Variants in PGAM5 observed in about 807,000 individuals in gnomAD.
The protein encoded by PGAM5 is PGAM family member 5, mitochondrial serine/threonine protein phosphatase.
Under a neutral mutation model 30.6 loss-of-function variants are expected in PGAM5, and 25 were observed. The ratio of observed to expected loss-of-function variants is 0.82; its 90% CI spans 0.60 to 1.14. The LOEUF (loss-of-function observed/expected upper bound fraction) is 1.14. Among genes scored for constraint, PGAM5 ranks in the 50% most tolerant of loss-of-function variants. The pLI, the probability that PGAM5 is intolerant of heterozygous loss-of-function variation, is 0.00. For synonymous variants in PGAM5, 201 were observed against 179.1 expected (o/e 1.12, Z -0.98); for missense variants, 384 against 408.5 (o/e 0.94, Z 0.52).
At chr12:132,719,272 T>C in intron 5 of PGAM5, 1 of 1,063,392 alleles carries the variant, frequency 9.4e-7, no homozygotes, top group South Asian at 2.8e-5. Context: ...AGGACGGCAC[T>C]GGTCAGTGAT....
chr12:132,715,042 T>A lies in PGAM5; in HGVS notation c.370+6T>A. 2 of 1,604,848 alleles carry A rather than the reference T, an allele frequency of 1.2e-6. No homozygotes were observed. Among genetic ancestry groups the A allele is most frequent in the Non-Finnish European group, 1.7e-6 (2 of 1,176,018 alleles). ...CCGCACTCTGACCCCGCTGGGTATG[T>A]GGTGGGTTCAGATCCTCTGTGGACC... On this transcript the variant is annotated splice_donor_region_variant and intron_variant, in intron 2 of 5. Transcript: ENST00000498926.
chr12:132,717,331 A>T, intron 2 of PGAM5, 108 bp from the exon 3 acceptor site: 1 of 1,080,738 alleles, frequency 9.3e-7, no homozygotes, highest in Non-Finnish European at 1.2e-6. Flanking sequence ...CGGGCGGAGG[A>T]GGGGGTGTTT....
intron 1 of PGAM5, 63 bp from the exon 2 acceptor site, chr12:132,714,793 CTT>C (rs1015164772): frequency 1.3e-6 from 2 of 1,548,780 alleles, no homozygotes; most frequent in African/African-American, 2.7e-5. Flanking sequence ...GAAATAACAT[CTT>C]GTCAGAAAAA....
Position 132,720,969 on chromosome 12 carries a change from G to A in PGAM5, c.*141G>A, listed in dbSNP as rs568383725. On this transcript the variant is annotated 3_prime_UTR_variant, in exon 6 of 6. Transcript: ENST00000498926. ...ACTTGTGACCAGGCTGAGAAGGGGA[G>A]AGTTGGGATCAGACAGCCTGACTTC... 2.8e-4 allele frequency: 305 copies of A among 1,093,040 alleles called. 2 individuals are homozygous for A. Among genetic ancestry groups the A allele is most frequent in the Non-Finnish European group, 3.7e-4 (290 of 786,914 alleles). 67.7% of individuals were successfully genotyped at this position (1,093,040 alleles called of 1,614,324 possible). A position where few individuals can be genotyped will look rare whatever the true frequency, so the allele number is the denominator to read the frequency against.
chr12:132,720,529 G>A (rs1409873025), intron 5 of PGAM5, 149 bp from the exon 6 acceptor site: 24 of 717,534 alleles, frequency 3.3e-5, no homozygotes, highest in Admixed American at 1.2e-4. Context: ...GGATGGTCTC[G>A]ATCTCCTGAC....
intron 1 of PGAM5, chr12:132,711,761 G>C (rs2043525369): frequency 6.6e-6 from 1 of 151,310 alleles, no homozygotes; most frequent in South Asian, 2.1e-4. Flanking sequence ...CTTCACTCCA[G>C]CCTGAGCAAC....
Position 132,718,916 on chromosome 12 carries a change from G to A in PGAM5, c.719+796G>A, listed in dbSNP as rs1460856172. On this transcript the variant is annotated intron_variant, in intron 5 of 5. Coordinates refer to ENST00000498926, the MANE Select transcript of PGAM5 (RefSeq NM_001170543.2). ...GAGGCCACAGCTGAGTCACGTTGCTGCTCGGGCTGCTCCCTCGGGGGGCCC... is the reference window on the plus strand; with the variant it reads ...GAGGCCACAGCTGAGTCACGTTGCTACTCGGGCTGCTCCCTCGGGGGGCCC... 10 of 1,575,898 alleles carry A rather than the reference G, an allele frequency of 6.3e-6. No individual in the cohort carries two copies. The Admixed American group carries it at 7.0e-5, about 11-fold the overall frequency.
chr12:132,719,611 C>T (rs1195804416), intron 5 of PGAM5, among the ~76,000 whole-genome samples: 1 of 152,218 alleles, frequency 6.6e-6, no homozygotes, highest in African/African-American at 2.4e-5. Context: ...CGAGGTGACA[C>T]AAATGCTAAA....
At chr12:132,713,201 G>A (rs866625571) in intron 1 of PGAM5, among the ~76,000 whole-genome samples, 4 of 152,152 alleles carry the variant, frequency 2.6e-5, no homozygotes, top group Admixed American at 6.6e-5. Flanking sequence ...CGGGAGCTGA[G>A]CCCAGCCTTT....
chr12:132,720,613 G>C, intron 5 of PGAM5, 65 bp from the exon 6 acceptor site: 2 of 1,485,630 alleles, frequency 1.3e-6, no homozygotes, highest in Non-Finnish European at 1.8e-6. Context: ...GCCTAGCTCA[G>C]CCCGTTTTAA....
intron 5 of PGAM5, among the ~76,000 whole-genome samples, chr12:132,719,957 C>T (rs978326142): frequency 2.0e-5 from 3 of 152,272 alleles, no homozygotes; most frequent in Admixed American, 1.3e-4. Flanking sequence ...TGGCTGCTCC[C>T]TGCTTTTATA....
At chr12:132,720,269 C>A (rs12366462) in intron 5 of PGAM5, among the ~76,000 whole-genome samples, 631 of 149,808 alleles carry the variant, frequency 4.2e-3, no homozygotes, top group Non-Finnish European at 6.4e-3. Flanking sequence ...ACAGCCTGGC[C>A]CAGCCTCTTT....
Position 132,720,800 on chromosome 12 carries a change from T to C in PGAM5, c.842T>C (p.Met281Thr). 1 of 1,536,438 alleles carries C rather than the reference T, an allele frequency of 6.5e-7. No individual in the cohort carries two copies. ...ALRTLGDTGFMPPDKITRS is the reference protein window; with the variant it reads ...ALRTLGDTGFTPPDKITRS Reference sequence around the variant, plus strand: ...AGGACCCTCGGGGACACGGGGTTCATGCCTCCCGACAAGATCACTCGATCC... The same window carrying C: ...AGGACCCTCGGGGACACGGGGTTCACGCCTCCCGACAAGATCACTCGATCC... The change falls in exon 6 of 6, where the codon ATG becomes ACG. Residue 281 changes from methionine (M) to threonine (T), a missense_variant. Transcript: ENST00000498926.
Position 132,717,750 on chromosome 12 carries a change from C to T in PGAM5, c.537C>T (p.Ala179=), listed in dbSNP as rs2043596361. 20 of 1,585,572 alleles carry T rather than the reference C, an allele frequency of 1.3e-5. No individual in the cohort carries two copies. Among genetic ancestry groups the T allele is most frequent in the East Asian group, 2.3e-5 (1 of 43,374 alleles). The change falls in exon 4 of 6, where the codon GCC becomes GCT. Residue 179 remains alanine, a synonymous_variant. Transcript: ENST00000498926. ...KVSTDLLREG[A]PIEPDPPVSH... Reference sequence around the variant, plus strand: ...GCACAGATCTGCTGCGGGAAGGCGCCCCCATCGAGCCAGACCCGCCCGTGT... The same window carrying T: ...GCACAGATCTGCTGCGGGAAGGCGCTCCCATCGAGCCAGACCCGCCCGTGT...
chr12:132,719,999 C>T (rs1290118755), intron 5 of PGAM5, among the ~76,000 whole-genome samples: 3 of 151,704 alleles, frequency 2.0e-5, no homozygotes, highest in Admixed American at 6.6e-5. Context: ...TGTGTTTCCT[C>T]GTAAGAAGTC....
rs1593123439 is a variant in PGAM5, at chr12:132,720,975, G to A, written c.*147G>A. ...GACCAGGCTGAGAAGGGGAGAGTTG[G>A]GATCAGACAGCCTGACTTCTCTGCA... On this transcript the variant is annotated 3_prime_UTR_variant, in exon 6 of 6. Coordinates refer to ENST00000498926, the MANE Select transcript of PGAM5 (RefSeq NM_001170543.2). 9.9e-7 allele frequency: 1 copy of A among 1,015,190 alleles called. No homozygotes were observed. The highest frequency in any genetic ancestry group is 1.4e-6 in the Non-Finnish European group (1 of 718,744). 62.9% of individuals were successfully genotyped at this position (1,015,190 alleles called of 1,614,324 possible).
At chr12:132,715,116 G>A (rs1260018686) in intron 2 of PGAM5, 80 bp downstream of exon 2, 2 of 1,420,652 alleles carry the variant, frequency 1.4e-6, no homozygotes, top group Admixed American at 4.5e-5. Flanking sequence ...TTGGTTATGT[G>A]ACTGGGTGCA....
chr12:132,716,050 C>T (rs376477274), intron 2 of PGAM5, among the ~76,000 whole-genome samples: 4 of 152,012 alleles, frequency 2.6e-5, no homozygotes, highest in East Asian at 1.9e-4. Context: ...CGCTTCTCTG[C>T]GGCCTGTGGC....
chr12:132,716,980 C>T (rs1367833156), intron 2 of PGAM5, among the ~76,000 whole-genome samples: 2 of 152,216 alleles, frequency 1.3e-5, no homozygotes, highest in Non-Finnish European at 2.9e-5. Context: ...GTGTCCGGCC[C>T]CCACATAGCA....
Sources: gnomAD v4.1 joint callset for allele counts (sites outside exome capture counted in the v4.1 genomes callset) on GRCh38, gnomAD v4.1.1 for gene constraint, MANE v1.5 for transcripts, NCBI Gene and HGNC (gene_info 2026-07-23, HGNC 2026-07-21) for gene names.